Variants in PC observed in about 807,000 individuals in gnomAD.
The protein encoded by PC is pyruvate carboxylase, mitochondrial.
In PC, 46 loss-of-function variants were observed where a neutral mutation model predicts 107.8. That is an observed-to-expected ratio of 0.43 (90% CI 0.34 to 0.55). The LOEUF is 0.55. Among genes scored for constraint, PC ranks in the 20% least tolerant of loss-of-function variants. PC has a pLI of 0.04. For synonymous variants in PC, 662 were observed against 684.7 expected (o/e 0.97, Z 0.52); for missense variants, 1,241 against 1,643.1 (o/e 0.76, Z 4.23).
chr11:66,912,915 C>T (rs1230256452), intron 3 of PC, among the ~76,000 whole-genome samples: 1 of 152,140 alleles, frequency 6.6e-6, no homozygotes, highest in Non-Finnish European at 1.5e-5. Context: ...CGAAGGGCTT[C>T]CTCCTGCCAC....
At chr11:66,897,443 AC>A (rs1189573566) in intron 3 of PC, among the ~76,000 whole-genome samples, 4 of 152,114 alleles carry the variant, frequency 2.6e-5, no homozygotes, top group Admixed American at 2.6e-4. Flanking sequence ...GTGGTGGCAC[AC>A]ACCTGTAGTC....
intron 3 of PC, among the ~76,000 whole-genome samples, chr11:66,923,068 C>G (rs957604970): frequency 3.9e-5 from 6 of 152,116 alleles, no homozygotes; most frequent in Admixed American, 1.3e-4. Context: ...TAATGTGGGG[C>G]AAGAAGTCGG....
At chr11:66,879,358 T>C (rs535595530) in intron 3 of PC, among the ~76,000 whole-genome samples, 2 of 152,354 alleles carry the variant, frequency 1.3e-5, no homozygotes, top group South Asian at 4.1e-4. Flanking sequence ...CACGTGCTTT[T>C]GCCAATGCAG....
intron 3 of PC, among the ~76,000 whole-genome samples, chr11:66,907,384 G>A (rs975166175): frequency 2.0e-5 from 3 of 152,194 alleles, no homozygotes; most frequent in South Asian, 2.1e-4. Flanking sequence ...AAAATTAGCC[G>A]GGTGTGGTGG....
chr11:66,890,236 C>T (rs1412056668), intron 3 of PC, among the ~76,000 whole-genome samples: 2 of 152,146 alleles, frequency 1.3e-5, no homozygotes, highest in African/African-American at 4.8e-5. Flanking sequence ...ATCTATGAAC[C>T]GGGCAGTGGG....
intron 3 of PC, among the ~76,000 whole-genome samples, chr11:66,947,090 T>C (rs1591315594): frequency 6.6e-6 from 1 of 152,066 alleles, no homozygotes; most frequent in East Asian, 1.9e-4. Context: ...CAGTTCAAGT[T>C]AAACATACAT....
chr11:66,855,320 G>A (rs1056800985), intron 12 of PC, among the ~76,000 whole-genome samples: 1 of 152,190 alleles, frequency 6.6e-6, no homozygotes, highest in African/African-American at 2.4e-5. Flanking sequence ...TATTTAGAGT[G>A]AATGAAAACT....
At chr11:66,941,754 A>T (rs1053234688) in intron 3 of PC, among the ~76,000 whole-genome samples, 1 of 152,002 alleles carries the variant, frequency 6.6e-6, no homozygotes, top group African/African-American at 2.4e-5. Flanking sequence ...GGCCTCCCAA[A>T]GTGCTGGGAT....
At position 66,870,930 on chromosome 11, in the gene PC, C is replaced by A; in HGVS notation, c.634-38G>T. ...GCAGGGGCCAGCCAGACCTCAGACC[C>A]CACAGCGCTACCTCTCCCCTGCCAT... On this transcript the variant is annotated intron_variant, in intron 7 of 22. Coordinates refer to ENST00000393960, the MANE Select transcript of PC (RefSeq NM_001040716.2). This position sits in a 1 kb window ranked among gnomAD's most constrained non-coding sequence, Gnocchi z 6.1. 6.2e-7 allele frequency: 1 copy of A among 1,604,810 alleles called. No individual in the cohort carries two copies. Among genetic ancestry groups the A allele is most frequent in the Non-Finnish European group, 8.5e-7 (1 of 1,174,666 alleles).
At chr11:66,893,286 C>A (rs1947639418) in intron 3 of PC, among the ~76,000 whole-genome samples, 1 of 152,208 alleles carries the variant, frequency 6.6e-6, no homozygotes. Context: ...CCTTTCCTCA[C>A]TTCCCTAAGA....
chr11:66,916,036 G>A (rs1407182194), intron 3 of PC, among the ~76,000 whole-genome samples: 3 of 152,150 alleles, frequency 2.0e-5, no homozygotes, highest in African/African-American at 7.2e-5. Context: ...CACCAACTGT[G>A]TTTCTTTCAG....
rs575298032 is a variant in PC, at chr11:66,944,272, C to T, written c.-1+8158G>A. Among the ~76,000 whole-genome samples the T allele has an allele frequency of 5.4e-5, 6 of 110,942 alleles. 1 individual carries two copies. The East Asian group carries it at 1.4e-3, about 26-fold the overall frequency. The allele number at this position is 110,942 out of a possible 152,430, so 72.8% of individuals were successfully genotyped here. A position where few individuals can be genotyped will look rare whatever the true frequency, so the allele number is the denominator to read the frequency against. ...CTCCAGCCTGGGTGACAGAGCAAGA[C>T]TCCGTCTCAGAAAAAACAACTTCAG... On this transcript the variant is annotated intron_variant, in intron 3 of 22. Transcript: ENST00000393960.
intron 3 of PC, among the ~76,000 whole-genome samples, chr11:66,877,783 T>C (rs4930391): frequency 0.49 from 74,043 of 152,072 alleles, 20,213 homozygotes; most frequent in South Asian, 0.7. Flanking sequence ...TGGGAAATGC[T>C]TGTGATGTAA....
intron 3 of PC, among the ~76,000 whole-genome samples, chr11:66,925,481 C>T (rs970128276): frequency 2.6e-5 from 4 of 152,292 alleles, no homozygotes; most frequent in Admixed American, 6.5e-5. Flanking sequence ...GGCTCTGCTC[C>T]GCCCAGCTCA....
At chr11:66,869,710 G>A (rs1291952463) in intron 9 of PC, among the ~76,000 whole-genome samples, 5 of 152,170 alleles carry the variant, frequency 3.3e-5, no homozygotes, top group African/African-American at 9.7e-5. Context: ...GAAGAAGAGG[G>A]GGCAGGACCC....
chr11:66,896,080 C>G (rs1235868940), intron 3 of PC, among the ~76,000 whole-genome samples: 1 of 152,126 alleles, frequency 6.6e-6, no homozygotes, highest in Non-Finnish European at 1.5e-5. Context: ...ACCTGAAATT[C>G]TCTTTTTTTT....
rs187773552 is a variant in PC, at chr11:66,863,206, G to T, written c.1368+568C>A. Among the ~76,000 whole-genome samples, 34 of 152,230 alleles carry T rather than the reference G, an allele frequency of 2.2e-4. 1 individual carries two copies. In the East Asian group the frequency reaches 6.4e-3, roughly 29 times the overall value. On this transcript the variant is annotated intron_variant, in intron 12 of 22. Coordinates refer to ENST00000393960, the MANE Select transcript of PC (RefSeq NM_001040716.2). ...AATACAAAAATTAGCCGGGCGTGGT[G>T]GGGGGCACCTGTAGTCCCAGCTACT...
intron 3 of PC, among the ~76,000 whole-genome samples, chr11:66,940,921 C>T (rs1052006310): frequency 2.6e-5 from 4 of 151,314 alleles, no homozygotes; most frequent in Non-Finnish European, 5.9e-5. Context: ...ACTAAAAATA[C>T]AAAAATTAGC....
chr11:66,952,780 TG>T (rs1472019671), intron 2 of PC, among the ~76,000 whole-genome samples: 1 of 152,162 alleles, frequency 6.6e-6, no homozygotes, highest in African/African-American at 2.4e-5. Context: ...CGACCTCAGG[TG>T]ATCCACCCAC....
Sources: allele counts gnomAD v4.1 joint callset (sites outside exome capture counted in the v4.1 genomes callset), GRCh38; gene constraint gnomAD v4.1.1; non-coding constraint Gnocchi (gnomAD v3.1); transcripts MANE v1.5; gene names NCBI Gene and HGNC (gene_info 2026-07-23, HGNC 2026-07-21).